The following TEAD4 variants were observed in gnomAD, a reference collection of about 807,000 sequenced individuals.
TEAD4 encodes transcriptional enhancer factor TEF-3.
A neutral mutation model predicts 52.4 loss-of-function variants in TEAD4; 36 were observed. The observed-to-expected ratio is 0.69, with a 90% CI of 0.53 to 0.91. The LOEUF (loss-of-function observed/expected upper bound fraction) is 0.91. Among genes scored for constraint, TEAD4 ranks in the 40% least tolerant of loss-of-function variants. TEAD4 has a pLI of 0.00. For synonymous variants in TEAD4, 220 were observed against 231.0 expected, an observed-to-expected ratio of 0.95 and a Z score of 0.43; for missense variants, 508 against 583.9, an observed-to-expected ratio of 0.87 and a Z score of 1.34.
intron 2 of TEAD4, among the ~76,000 whole-genome samples, chr12:2,962,295 TATATAA>T (rs1262877272): frequency 2.8e-4 from 11 of 39,518 alleles, no homozygotes; most frequent in Non-Finnish European, 3.7e-4. Flanking sequence ...TTTATTTATA[TATATAA>T]ATATAAATAT....
At chr12:2,968,371 C>G (rs2098222230) in intron 2 of TEAD4, among the ~76,000 whole-genome samples, 1 of 149,028 alleles carries the variant, frequency 6.7e-6, no homozygotes, top group Non-Finnish European at 1.5e-5. Flanking sequence ...CAGGTGTGAG[C>G]CACCGCGCCC....
At chr12:2,966,479 T>C (rs558484569) in intron 2 of TEAD4, among the ~76,000 whole-genome samples, 3 of 151,764 alleles carry the variant, frequency 2.0e-5, no homozygotes, top group Admixed American at 6.6e-5. Flanking sequence ...GGCGTGATCT[T>C]GGCTCACTGC....
chr12:2,976,582 C>G (rs1318481631), intron 2 of TEAD4, among the ~76,000 whole-genome samples: 1 of 152,202 alleles, frequency 6.6e-6, no homozygotes, highest in Admixed American at 6.5e-5. Flanking sequence ...GGGGCAAGGC[C>G]TCTGTTCACC....
At chr12:3,006,253 G>T (rs1217538410) in intron 3 of TEAD4, among the ~76,000 whole-genome samples, 1 of 152,090 alleles carries the variant, frequency 6.6e-6, no homozygotes, top group African/African-American at 2.4e-5. Flanking sequence ...GGACCGTTTT[G>T]GATTTCGGAT....
At chr12:2,968,495 C>T (rs2153952536) in intron 2 of TEAD4, among the ~76,000 whole-genome samples, 1 of 150,634 alleles carries the variant, frequency 6.6e-6, no homozygotes, top group African/African-American at 2.4e-5. Context: ...CCTCCCGCGC[C>T]CAAGTGATCC....
Position 2,993,793 on chromosome 12 carries a change from G to A in TEAD4, c.-29-945G>A, listed in dbSNP as rs531290546. Among the ~76,000 whole-genome samples the A allele has an allele frequency of 8.5e-5, 13 of 152,240 alleles. 1 individual carries two copies. In the East Asian group the frequency reaches 2.5e-3, roughly 29 times the overall value. On this transcript the variant is annotated intron_variant, in intron 2 of 12. Transcript: ENST00000359864. ...GTGCCTGGCCTAATGTGACTGCTTA[G>A]ATACCTCGTCAGCGGAATCATGCAG... is the stretch of plus-strand genomic sequence containing the variant.
intron 5 of TEAD4, among the ~76,000 whole-genome samples, chr12:3,012,593 G>T (rs1021102473): frequency 6.6e-6 from 1 of 152,126 alleles, no homozygotes; most frequent in African/African-American, 2.4e-5. Flanking sequence ...GGGCATGGGG[G>T]GGTGCCTGCT....
chr12:2,965,492 A>T (rs189084941), intron 2 of TEAD4, among the ~76,000 whole-genome samples: 104 of 152,316 alleles, frequency 6.8e-4, no homozygotes, highest in African/African-American at 2.5e-3. Context: ...ACCTTAAAAA[A>T]AAAAAGTGAA....
chr12:3,010,810 G>A (rs981407484), intron 3 of TEAD4, among the ~76,000 whole-genome samples, 194 bp from the exon 4 acceptor site: 1 of 152,188 alleles, frequency 6.6e-6, no homozygotes, highest in Non-Finnish European at 1.5e-5. Flanking sequence ...CCACAGTGAG[G>A]CCTTGTCTTC....
chr12:3,009,195 A>G (rs1412748499), intron 3 of TEAD4, among the ~76,000 whole-genome samples: 2 of 152,218 alleles, frequency 1.3e-5, no homozygotes, highest in East Asian at 1.9e-4. Flanking sequence ...TGGGAGGCTG[A>G]TGCGGGTGGA....
chr12:3,031,648 G>A (rs2098275623), intron 10 of TEAD4, among the ~76,000 whole-genome samples: 2 of 152,200 alleles, frequency 1.3e-5, no homozygotes, highest in African/African-American at 2.4e-5. Flanking sequence ...CAGATAGACT[G>A]AGAGAGATGA....
At chr12:3,023,602 A>G (rs1415469082) in intron 10 of TEAD4, among the ~76,000 whole-genome samples, 1 of 151,440 alleles carries the variant, frequency 6.6e-6, no homozygotes, top group Non-Finnish European at 1.5e-5. Flanking sequence ...CTTGACTAAC[A>G]TGGTGAAACC....
chr12:2,966,465 C>CA (rs2098220335), intron 2 of TEAD4, among the ~76,000 whole-genome samples: 1 of 150,386 alleles, frequency 6.6e-6, no homozygotes, highest in South Asian at 2.1e-4. Context: ...GGCTGGAGTG[C>CA]AGTGGCGTGA....
At chr12:2,978,912 C>A (rs1309898354) in intron 2 of TEAD4, among the ~76,000 whole-genome samples, 1 of 151,438 alleles carries the variant, frequency 6.6e-6, no homozygotes, top group East Asian at 2.0e-4. Flanking sequence ...GAATTTCATG[C>A]CTTTTTTGTT....
chr12:2,974,790 G>C (rs957436816), intron 2 of TEAD4, among the ~76,000 whole-genome samples: 2 of 152,144 alleles, frequency 1.3e-5, no homozygotes, highest in Non-Finnish European at 2.9e-5. Flanking sequence ...TGACCCTCGG[G>C]TTCTGACAGG....
chr12:3,020,616 C>CTT lies in TEAD4; in HGVS notation c.584-16_584-15dup. 6.6e-7 allele frequency: 1 copy of CTT among 1,518,070 alleles called. No homozygotes were observed. The highest frequency in any genetic ancestry group is 1.3e-5 in the South Asian group (1 of 76,834). 94.0% of individuals were successfully genotyped at this position (1,518,070 alleles called of 1,614,324 possible). ...GTGTCCGTGACCAGGTTCCATGTGC[C>CTT]TTTCTCACTTTGTGCAGGGTTTGAG... On this transcript the variant is annotated splice_polypyrimidine_tract_variant and intron_variant, in intron 8 of 12. Coordinates refer to ENST00000359864, the MANE Select transcript of TEAD4 (RefSeq NM_003213.4).
chr12:2,968,912 T>G (rs1429982877), intron 2 of TEAD4, among the ~76,000 whole-genome samples: 2 of 152,178 alleles, frequency 1.3e-5, no homozygotes, highest in Admixed American at 1.3e-4. Context: ...AGCTTCAGCC[T>G]CCCAAAGTGC....
At chr12:3,029,999 G>A (rs928228750) in intron 10 of TEAD4, among the ~76,000 whole-genome samples, 2 of 152,220 alleles carry the variant, frequency 1.3e-5, no homozygotes, top group East Asian at 1.9e-4. Context: ...CAAGTGTTCT[G>A]GTAGTGGGAT....
At chr12:2,997,724 G>A (rs1431469857) in intron 3 of TEAD4, among the ~76,000 whole-genome samples, 2 of 150,636 alleles carry the variant, frequency 1.3e-5, no homozygotes, top group Non-Finnish European at 2.9e-5. Context: ...GCCCCGTGGA[G>A]ATGCTAGAAT....
Sources: allele counts gnomAD v4.1 joint callset (sites outside exome capture counted in the v4.1 genomes callset), GRCh38; gene constraint gnomAD v4.1.1; transcripts MANE v1.5; gene names NCBI Gene and HGNC (gene_info 2026-07-23, HGNC 2026-07-21).